The following SEM1 variants were observed in gnomAD, a reference collection of about 807,000 sequenced individuals.
SEM1 encodes the protein 26S proteasome complex subunit SEM1.
Under a neutral mutation model 12.7 loss-of-function variants are expected in SEM1, and 3 were observed. That is an observed-to-expected ratio of 0.24 (90% CI 0.11 to 0.61). The LOEUF (loss-of-function observed/expected upper bound fraction) is 0.61, where lower values mean the gene tolerates loss of function less well. Among genes scored for constraint, SEM1 ranks in the 20% least tolerant of loss-of-function variants. The pLI is 0.88. For missense variants in SEM1, 59 were observed against 81.3 expected, an observed-to-expected ratio of 0.73 and a Z score of 1.06; for synonymous variants, 30 against 27.8, an observed-to-expected ratio of 1.08 and a Z score of -0.25.
intron 2 of SEM1, among the ~76,000 whole-genome samples, chr7:96,588,160 G>A (rs1806703575): frequency 7.1e-6 from 1 of 140,050 alleles, no homozygotes; most frequent in South Asian, 2.5e-4. Flanking sequence ...CTTGAGCCCA[G>A]GACTTTGAGA....
downstream of SEM1, among the ~76,000 whole-genome samples, chr7:96,620,291 C>T (rs1470325013): frequency 6.6e-6 from 1 of 152,144 alleles, no homozygotes; most frequent in African/African-American, 2.4e-5. Flanking sequence ...CAGCCTGCGG[C>T]AGGGCAGTAG....
intron 2 of SEM1, among the ~76,000 whole-genome samples, chr7:96,643,327 C>G (rs1307789316): frequency 6.7e-6 from 1 of 149,968 alleles, no homozygotes; most frequent in Non-Finnish European, 1.5e-5. Flanking sequence ...GTATACGTAC[C>G]ATATTTTCTT....
intron 1 of SEM1, among the ~76,000 whole-genome samples, chr7:96,699,981 C>T (rs557430312): frequency 3.7e-4 from 56 of 152,260 alleles, no homozygotes; most frequent in Non-Finnish European, 4.4e-4. Context: ...AAATTTGCTT[C>T]AAGACAGCCT....
At chr7:96,552,398 A>T (rs1393418733) in intron 2 of SEM1, among the ~76,000 whole-genome samples, 4 of 150,952 alleles carry the variant, frequency 2.6e-5, no homozygotes, top group African/African-American at 7.3e-5. Context: ...TGTCCATGTG[A>T]TCTCATTGTT....
In SEM1 at chr7:96,512,542, C is replaced by T. The variant is rs940923894; in HGVS notation, c.171-5844G>A. Among the ~76,000 whole-genome samples, 11 of 152,188 alleles carry T rather than the reference C, an allele frequency of 7.2e-5. No homozygotes were observed. In the Middle Eastern group the frequency reaches 0.01, roughly 141 times the overall value. ...TTTCTGGCTGTCCAAGTTTAATTCA[C>T]TAAATCACATTATGAAACTAGGGCA... On this transcript the variant is annotated intron_variant and NMD_transcript_variant, in intron 2 of 3. Coordinates refer to the SEM1 transcript ENST00000466986.
chr7:96,587,565 G>A (rs1214468886), intron 2 of SEM1, among the ~76,000 whole-genome samples: 1 of 152,054 alleles, frequency 6.6e-6, no homozygotes, highest in Non-Finnish European at 1.5e-5. Context: ...TCCGGTTGGT[G>A]CACAGCCAGG....
intron 2 of SEM1, chr7:96,673,933 C>T (rs888148443): frequency 4.1e-6 from 3 of 730,902 alleles, no homozygotes; most frequent in Non-Finnish European, 7.5e-6. Context: ...TTGACCACAG[C>T]ATAAGCCTGG....
chr7:96,625,405 GATA>G (rs1250491780), intron 2 of SEM1, among the ~76,000 whole-genome samples: 1 of 152,088 alleles, frequency 6.6e-6, no homozygotes, highest in Non-Finnish European at 1.5e-5. Context: ...AAAACTTAAA[GATA>G]AAGTTAACAA....
At chr7:96,666,675 C>T (rs916158547) in intron 2 of SEM1, among the ~76,000 whole-genome samples, 1 of 142,744 alleles carries the variant, frequency 7.0e-6, no homozygotes. Context: ...TAAAGATGTA[C>T]AGCTCAATCT....
rs1807554732 is a variant in SEM1 at position 96,611,996 on chromosome 7, A to G, written c.170+82802T>C. ...TTTCCTTTCTCTTCCTTACCCCCCC[A>G]AATAAAAAAAGCATAGTATAATTTC... On this transcript the variant is annotated intron_variant and NMD_transcript_variant, in intron 2 of 3. Transcript: ENST00000466986. Among the ~76,000 whole-genome samples, 4 of 140,468 alleles carry G rather than the reference A, an allele frequency of 2.8e-5. No individual in the cohort carries two copies. In the South Asian group the frequency reaches 8.8e-4, roughly 31 times the overall value. The allele number at this position is 140,468 out of a possible 152,430, so 92.2% of individuals were successfully genotyped here.
chr7:96,485,817 G>A (rs1368992462), intron 2 of SEM1, among the ~76,000 whole-genome samples: 2 of 152,142 alleles, frequency 1.3e-5, no homozygotes, highest in Middle Eastern at 3.4e-3. Flanking sequence ...TGGGATTACA[G>A]GCATGAGCCA....
chr7:96,610,809 C>T (rs1807517119), intron 2 of SEM1, among the ~76,000 whole-genome samples: 1 of 152,254 alleles, frequency 6.6e-6, no homozygotes, highest in South Asian at 2.1e-4. Context: ...TGCTGTTGGC[C>T]CTAGACTGCT....
In SEM1 at chr7:96,611,125, A is replaced by G. The variant is rs947701119; in HGVS notation, c.170+83673T>C. On this transcript the variant is annotated intron_variant and NMD_transcript_variant, in intron 2 of 3. Coordinates refer to the SEM1 transcript ENST00000466986. ...CCCATATATTCTTCTAAGGACTCTC[A>G]TTTTTTCTAAAAATCATTTACTCTC... is the stretch of plus-strand genomic sequence containing the variant. 2.6e-5 allele frequency among the ~76,000 whole-genome samples: 4 copies of G among 151,960 alleles called. No individual in the cohort carries two copies. In the South Asian group the frequency reaches 8.3e-4, roughly 32 times the overall value.
At chr7:96,648,565 A>C (rs2116432560) in intron 2 of SEM1, among the ~76,000 whole-genome samples, 1 of 152,316 alleles carries the variant, frequency 6.6e-6, no homozygotes, top group South Asian at 2.1e-4. Flanking sequence ...GCATATAGAA[A>C]TCGCTATATA....
chr7:96,636,517 C>T (rs1343775652), intron 2 of SEM1, among the ~76,000 whole-genome samples: 1 of 151,934 alleles, frequency 6.6e-6, no homozygotes, highest in African/African-American at 2.4e-5. Context: ...GCTCCCCTTC[C>T]TTTTCCCTCA....
At chr7:96,558,813 C>A (rs929930387) in intron 2 of SEM1, among the ~76,000 whole-genome samples, 4 of 152,140 alleles carry the variant, frequency 2.6e-5, no homozygotes, top group African/African-American at 9.7e-5. Context: ...AAAAACATTT[C>A]ATCAGGATCC....
In SEM1 at chr7:96,564,336, G is replaced by C. The variant is rs553674337; in HGVS notation, c.171-57638C>G. Among the ~76,000 whole-genome samples, 4 of 152,006 alleles carry C rather than the reference G, an allele frequency of 2.6e-5. No homozygotes were observed. The South Asian group carries it at 8.3e-4, about 32-fold the overall frequency. The stretch of plus-strand genomic sequence containing the variant: ...ACCTCCCATGTTAACAGTAGTATGA[G>C]AATGTGCACCACTAATAGGAGCAAT... On this transcript the variant is annotated intron_variant and NMD_transcript_variant, in intron 2 of 3. Coordinates refer to the SEM1 transcript ENST00000466986.
At chr7:96,679,338 T>G (rs1789537038) in intron 2 of SEM1, among the ~76,000 whole-genome samples, 1 of 152,124 alleles carries the variant, frequency 6.6e-6, no homozygotes, top group South Asian at 2.1e-4. Flanking sequence ...CCTATTAACT[T>G]GGACCATGGA....
downstream of SEM1, among the ~76,000 whole-genome samples, chr7:96,618,347 A>G (rs1807783489): frequency 6.6e-6 from 1 of 152,054 alleles, no homozygotes; most frequent in South Asian, 2.1e-4. Flanking sequence ...TTGACATTAG[A>G]TATTCTGAAT....
Sources: gnomAD v4.1 joint callset for allele counts (sites outside exome capture counted in the v4.1 genomes callset) on GRCh38, gnomAD v4.1.1 for gene constraint, MANE v1.5 for transcripts, NCBI Gene and HGNC (gene_info 2026-07-23, HGNC 2026-07-21) for gene names.